ZNF148: variants seen among roughly 807,000 people sequenced by gnomAD.
The protein encoded by ZNF148 is Beta-Enolase Repressor Factor-1.
Under a neutral mutation model 67.7 loss-of-function variants are expected in ZNF148, and 7 were observed. The ratio of observed to expected loss-of-function variants is 0.10; its 90% CI spans 0.06 to 0.19. The LOEUF (loss-of-function observed/expected upper bound fraction) is 0.19. Among genes scored for constraint, ZNF148 ranks in the 10% least tolerant of loss-of-function variants. The probability of loss-of-function intolerance (pLI) is 1.00; values close to 1 mark genes in which losing one functional copy is unlikely to be tolerated. For synonymous variants in ZNF148, 333 were observed against 330.7 expected (o/e 1.01, Z -0.08); for missense variants, 583 against 947.1 (o/e 0.62, Z 5.05).
chr3:125,314,707 T>C (rs1168380573), intron 3 of ZNF148, among the ~76,000 whole-genome samples: 3 of 152,214 alleles, frequency 2.0e-5, no homozygotes, highest in Non-Finnish European at 2.9e-5. Flanking sequence ...ACAGTATATC[T>C]GTACAAAACA....
Position 125,335,079 on chromosome 3 carries a change from C to T in ZNF148, c.-233-3841G>A, listed in dbSNP as rs571457828. Among the ~76,000 whole-genome samples, 127 of 54,326 alleles carry T rather than the reference C, an allele frequency of 2.3e-3. 2 individuals are homozygous for T. The highest frequency in any genetic ancestry group is 0.014 in the Admixed American group (109 of 7,610). The allele number at this position is 54,326 out of a possible 152,430, so 35.6% of individuals were successfully genotyped here. On this transcript the variant is annotated intron_variant, in intron 1 of 8. Transcript: ENST00000360647. ...ACATCCCACCACATACACTCAATCC[C>T]CCTTTTATTGTTATACATTTTGCAC...
intron 1 of ZNF148, among the ~76,000 whole-genome samples, chr3:125,346,323 T>A (rs1474593573): frequency 6.6e-6 from 1 of 152,210 alleles, no homozygotes; most frequent in Non-Finnish European, 1.5e-5. Context: ...TTCCTCAACC[T>A]GATAAAGGCC....
At chr3:125,303,302 G>A (rs73859167) in intron 4 of ZNF148, among the ~76,000 whole-genome samples, 191 of 152,288 alleles carry the variant, frequency 1.3e-3, no homozygotes, top group African/African-American at 4.0e-3. Flanking sequence ...TTGCTTTGGT[G>A]GTTACACAAA....
intron 1 of ZNF148, among the ~76,000 whole-genome samples, chr3:125,360,222 T>C (rs762846281): frequency 6.6e-6 from 1 of 152,200 alleles, no homozygotes; most frequent in African/African-American, 2.4e-5. Context: ...CCATGTTCTA[T>C]TGTCAACAAA....
At chr3:125,237,590 T>A (rs1202839630) in intron 7 of ZNF148, among the ~76,000 whole-genome samples, 3 of 152,014 alleles carry the variant, frequency 2.0e-5, no homozygotes, top group Non-Finnish European at 2.9e-5. Flanking sequence ...TCAAAAAAAA[T>A]TAAACTAAAT....
At chr3:125,244,082 C>T (rs951509758) in intron 7 of ZNF148, among the ~76,000 whole-genome samples, 5 of 151,996 alleles carry the variant, frequency 3.3e-5, no homozygotes, top group South Asian at 2.1e-4. Context: ...AGCAATAACA[C>T]GGTAAGGAAA....
At chr3:125,234,135 G>T in intron 8 of ZNF148, 76 bp downstream of exon 8, 1 of 1,240,794 alleles carries the variant, frequency 8.1e-7, no homozygotes, top group Non-Finnish European at 1.1e-6. Context: ...GCTCTAAGTT[G>T]TAATATTTTC....
intron 7 of ZNF148, among the ~76,000 whole-genome samples, chr3:125,261,032 A>G (rs1034420397): frequency 6.6e-6 from 1 of 152,110 alleles, no homozygotes; most frequent in African/African-American, 2.4e-5. Context: ...GAAGTGTTGG[A>G]GGTTTATGGA....
At chr3:125,374,523 A>T (rs1194818003) in intron 1 of ZNF148, among the ~76,000 whole-genome samples, 1 of 150,762 alleles carries the variant, frequency 6.6e-6, no homozygotes, top group Non-Finnish European at 1.5e-5. Context: ...AATCCTCAAG[A>T]CTCCTCCACA....
chr3:125,251,483 A>G (rs1936840381), intron 7 of ZNF148, among the ~76,000 whole-genome samples: 1 of 152,230 alleles, frequency 6.6e-6, no homozygotes. Context: ...GAAAGGGAAC[A>G]TTAGACACTG....
intron 7 of ZNF148, among the ~76,000 whole-genome samples, chr3:125,276,603 T>G (rs1011730884): frequency 2.0e-5 from 3 of 152,012 alleles, no homozygotes; most frequent in Non-Finnish European, 2.9e-5. Context: ...CCGGCTAATT[T>G]TGTATTTTTA....
intron 7 of ZNF148, among the ~76,000 whole-genome samples, chr3:125,274,964 C>A (rs1937969386): frequency 6.6e-6 from 1 of 152,024 alleles, no homozygotes; most frequent in Non-Finnish European, 1.5e-5. Flanking sequence ...AGGGCACTAC[C>A]CTCCTCCAAA....
At chr3:125,322,423 G>A (rs1227430693) in intron 3 of ZNF148, among the ~76,000 whole-genome samples, 4 of 151,804 alleles carry the variant, frequency 2.6e-5, no homozygotes, top group Non-Finnish European at 4.4e-5. Context: ...TAAAAATTAA[G>A]TGCAACATAT....
At chr3:125,239,855 C>A (rs1178127361) in intron 7 of ZNF148, among the ~76,000 whole-genome samples, 2 of 152,136 alleles carry the variant, frequency 1.3e-5, no homozygotes, top group African/African-American at 4.8e-5. Context: ...AAAGTGCAGG[C>A]TACACACATG....
intron 1 of ZNF148, among the ~76,000 whole-genome samples, chr3:125,346,153 G>A (rs1941933564): frequency 6.6e-6 from 1 of 152,196 alleles, no homozygotes. Flanking sequence ...TCTCAGAAAT[G>A]CAAGGTTGGC....
intron 7 of ZNF148, among the ~76,000 whole-genome samples, chr3:125,248,421 T>C (rs1245619250): frequency 5.3e-5 from 8 of 152,208 alleles, no homozygotes; most frequent in Non-Finnish European, 1.5e-5. Flanking sequence ...GATAACTCTA[T>C]GTTGAGTCCC....
At chr3:125,241,787 G>A (rs1358545557) in intron 7 of ZNF148, among the ~76,000 whole-genome samples, 3 of 152,098 alleles carry the variant, frequency 2.0e-5, no homozygotes. Flanking sequence ...AGAATTTCTG[G>A]ACAAATAAAA....
chr3:125,335,781 A>C (rs773368724), intron 1 of ZNF148, among the ~76,000 whole-genome samples: 2 of 152,240 alleles, frequency 1.3e-5, no homozygotes, highest in Non-Finnish European at 2.9e-5. Flanking sequence ...TTTCATGTAG[A>C]CAGTTTCTAC....
chr3:125,258,282 G>C (rs55809729), intron 7 of ZNF148, among the ~76,000 whole-genome samples: 2 of 151,686 alleles, frequency 1.3e-5, no homozygotes, highest in Admixed American at 1.3e-4. Context: ...AAAATTAGCC[G>C]GGCATGGTGG....
Sources: allele counts gnomAD v4.1 joint callset (sites outside exome capture counted in the v4.1 genomes callset), GRCh38; gene constraint gnomAD v4.1.1; transcripts MANE v1.5; gene names NCBI Gene and HGNC (gene_info 2026-07-23, HGNC 2026-07-21).